Variants in MCRIP2 observed in about 807,000 individuals in gnomAD.
MCRIP2 encodes MAPK regulated co-repressor interacting protein 2.
In MCRIP2, 21 loss-of-function variants were observed where a neutral mutation model predicts 23.2. That is an observed-to-expected ratio of 0.90 (90% confidence interval 0.64 to 1.30). MCRIP2 has a LOEUF of 1.30. Among genes scored for constraint, MCRIP2 ranks in the 50% most tolerant of loss-of-function variants. The pLI is 0.00. For synonymous variants in MCRIP2, 121 were observed against 100.2 expected (o/e 1.21, Z -1.24); for missense variants, 234 against 223.2 (o/e 1.05, Z -0.31).
rs2037345559 is a variant in MCRIP2 at position 641,897 on chromosome 16, C to G, written c.-95C>G. On this transcript the variant is annotated 5_prime_UTR_variant, in exon 1 of 5. Transcript: ENST00000307650. ...GGCCGGGGGCGTGTAGCGGGCCCGC[C>G]CCCTCCCCGCGGCGCCCGCAGTCCG... The G allele has an allele frequency of 3.5e-6, 4 of 1,141,320 alleles. No individual in the cohort carries two copies. The highest frequency in any genetic ancestry group is 3.3e-4 in the Middle Eastern group (1 of 3,008). 70.7% of individuals were successfully genotyped at this position (1,141,320 alleles called of 1,614,324 possible).
intron 2 of MCRIP2, 131 bp from the exon 3 acceptor site, chr16:647,286 C>G: frequency 8.9e-6 from 12 of 1,349,360 alleles, no homozygotes; most frequent in Non-Finnish European, 1.2e-5. Flanking sequence ...GCTGCTCTCT[C>G]TGGTTCAGGA....
At chr16:643,539 T>TC (rs1465849546) in intron 2 of MCRIP2, among the ~76,000 whole-genome samples, 11 of 143,354 alleles carry the variant, frequency 7.7e-5, no homozygotes, top group Admixed American at 3.4e-4. Flanking sequence ...GGCTGTTGTC[T>TC]CTTTTTTTTT....
rs1302597448 is a variant in MCRIP2, at chr16:641,934, C to T, written c.-58C>T. ...GCGCCCGCAGTCCGTTAAGTGCGAG[C>T]CCCGGCGCAGGGGCCGGATCTGGCC... is the stretch of plus-strand genomic sequence containing the variant. On this transcript the variant is annotated 5_prime_UTR_variant, in exon 1 of 5. Coordinates refer to ENST00000307650, the MANE Select transcript of MCRIP2 (RefSeq NM_138418.4). 3.1e-6 allele frequency: 4 copies of T among 1,270,882 alleles called. No individual in the cohort carries two copies. The highest frequency in any genetic ancestry group is 1.6e-5 in the African/African-American group (1 of 63,822). The allele number at this position is 1,270,882 out of a possible 1,614,324, so 78.7% of individuals were successfully genotyped here. A position where few individuals can be genotyped will look rare whatever the true frequency, so the allele number is the denominator to read the frequency against.
chr16:647,894 C>G lies in MCRIP2; in HGVS notation c.412+10C>G. On this transcript the variant is annotated intron_variant, in intron 4 of 4. Transcript: ENST00000307650. ...AATCCCCGGCTGCAGAGTGAGCCCCCCAACCCTGTCCCCCCAGGAGAGACC... is the reference window on the plus strand; with the variant it reads ...AATCCCCGGCTGCAGAGTGAGCCCCGCAACCCTGTCCCCCCAGGAGAGACC... The G allele has an allele frequency of 1.4e-6, 2 of 1,460,144 alleles. No homozygotes were observed. Among genetic ancestry groups the G allele is most frequent in the South Asian group, 2.4e-5 (2 of 82,324 alleles). The allele number at this position is 1,460,144 out of a possible 1,614,324, so 90.4% of individuals were successfully genotyped here. A position where few individuals can be genotyped will look rare whatever the true frequency, so the allele number is the denominator to read the frequency against.
In MCRIP2 at chr16:647,562, AGGGT is replaced by A. The variant is rs1320409821; in HGVS notation, c.310+20_310+23del. The A allele has an allele frequency of 6.2e-7, 1 of 1,612,132 alleles. No individual in the cohort carries two copies. The highest frequency in any genetic ancestry group is 8.5e-7 in the Non-Finnish European group (1 of 1,179,232). On this transcript the variant is annotated intron_variant, in intron 3 of 4. Transcript: ENST00000307650. ...GTCCGAAGGTAGCGAGCGGGGCCAG[AGGGT>A]GCGGCATAGGCTGCTGGGTCGCAAA...
chr16:642,112 G>T lies in MCRIP2; in HGVS notation c.53-8G>T. 1.5e-6 allele frequency: 2 copies of T among 1,341,300 alleles called. No individual in the cohort carries two copies. The highest frequency in any genetic ancestry group is 9.5e-7 in the Non-Finnish European group (1 of 1,048,010). 83.1% of individuals were successfully genotyped at this position (1,341,300 alleles called of 1,614,324 possible). ...CGGCGGCGGCTGACCGCCCCCCGGT[G>T]CCCGCAGGTCCCACGCAGCAGCAGG... On this transcript the variant is annotated splice_region_variant and splice_polypyrimidine_tract_variant and intron_variant, in intron 1 of 4. Transcript: ENST00000307650.
chr16:645,857 C>G (rs1434908248), intron 2 of MCRIP2: 1 of 152,280 alleles, frequency 6.6e-6, no homozygotes, highest in Non-Finnish European at 1.5e-5. Context: ...GCTATGATAT[C>G]CTGGTGCTGC....
intron 4 of MCRIP2, 96 bp downstream of exon 4, chr16:647,980 G>A: frequency 5.9e-6 from 7 of 1,181,422 alleles, no homozygotes; most frequent in Admixed American, 2.2e-5. Context: ...GGATGAGGGA[G>A]GGGACTCTTG....
intron 2 of MCRIP2, among the ~76,000 whole-genome samples, chr16:644,014 G>A (rs544328448): frequency 4.0e-4 from 61 of 152,300 alleles, no homozygotes; most frequent in Non-Finnish European, 4.4e-5. Context: ...GGGAGCTTCT[G>A]GCAGCAGTGG....
intron 2 of MCRIP2, 134 bp downstream of exon 2, chr16:642,383 G>A: frequency 1.1e-6 from 1 of 904,034 alleles, no homozygotes; most frequent in Non-Finnish European, 1.4e-6. Context: ...GGCGCTCCGG[G>A]CGCGGGGGGT....
Position 642,101 on chromosome 16 carries a change from CG to C in MCRIP2, c.53-18del, listed in dbSNP as rs1432949296. The C allele has an allele frequency of 7.5e-7, 1 of 1,328,462 alleles. No homozygotes were observed. Among genetic ancestry groups the C allele is most frequent in the Admixed American group, 3.8e-5 (1 of 26,572 alleles). The allele number at this position is 1,328,462 out of a possible 1,614,324, so 82.3% of individuals were successfully genotyped here. A position where few individuals can be genotyped will look rare whatever the true frequency, so the allele number is the denominator to read the frequency against. ...GGGGCGGGGCGCGGCGGCGGCTGAC[CG>C]CCCCCCGGTGCCCGCAGGTCCCACG... On this transcript the variant is annotated intron_variant, in intron 1 of 4. Coordinates refer to ENST00000307650, the MANE Select transcript of MCRIP2 (RefSeq NM_138418.4).
chr16:647,583 G>C, intron 3 of MCRIP2, 39 bp downstream of exon 3: 1 of 1,606,652 alleles, frequency 6.2e-7, no homozygotes. Flanking sequence ...TAGGCTGCTG[G>C]GTCGCAAAAC....
chr16:648,263 ACTGCGC>A lies in MCRIP2; in HGVS notation c.*77_*82del. On this transcript the variant is annotated 3_prime_UTR_variant, in exon 5 of 5. Coordinates refer to ENST00000307650, the MANE Select transcript of MCRIP2 (RefSeq NM_138418.4). The stretch of plus-strand genomic sequence containing the variant: ...GAGAAGCATGGCGCCCTGCCCACCC[ACTGCGC>A]CTGGCTGGGTGCCGGCCACACCTGA... 1.4e-6 allele frequency: 2 copies of A among 1,448,302 alleles called. No individual in the cohort carries two copies. The highest frequency in any genetic ancestry group is 1.9e-6 in the Non-Finnish European group (2 of 1,055,928). 89.7% of individuals were successfully genotyped at this position (1,448,302 alleles called of 1,614,324 possible).
At position 646,858 on chromosome 16, in the gene MCRIP2, A is replaced by C. The variant is rs1055994131; in HGVS notation, c.183-559A>C. The C allele has an allele frequency of 6.4e-6, 1 of 157,150 alleles. No homozygotes were observed. The highest frequency in any genetic ancestry group is 2.4e-5 in the African/African-American group (1 of 41,480). The allele number at this position is 157,150 out of a possible 1,614,324, so 9.7% of individuals were successfully genotyped here. ...CTGCCCATCCCGGCACCCAGTCCTC[A>C]TCCCATGGGACGTGGGGGCAGCCAG... On this transcript the variant is annotated intron_variant, in intron 2 of 4. Coordinates refer to ENST00000307650, the MANE Select transcript of MCRIP2 (RefSeq NM_138418.4). This position sits in a 1 kb window ranked among gnomAD's most constrained non-coding sequence, Gnocchi z 6.5.
In MCRIP2 at chr16:647,352, GT is replaced by G. The variant is rs528031323; in HGVS notation, c.183-63del. 3.5e-3 allele frequency: 5,641 copies of G among 1,595,498 alleles called. 12 individuals are homozygous for G. The highest frequency in any genetic ancestry group is 4.5e-3 in the Non-Finnish European group (5,266 of 1,170,074). ...TGGGCTGGCCCGGGGCTGCTCCTGA[GT>G]TCTGCCAGGCAGCACCGCACCTGGG... On this transcript the variant is annotated intron_variant, in intron 2 of 4. Coordinates refer to ENST00000307650, the MANE Select transcript of MCRIP2 (RefSeq NM_138418.4).
In MCRIP2 at chr16:642,141, A is replaced by G; in HGVS notation, c.74A>G (p.Glu25Gly). The G allele has an allele frequency of 1.5e-6, 2 of 1,366,820 alleles. No individual in the cohort carries two copies. The highest frequency in any genetic ancestry group is 3.0e-5 in the Admixed American group (1 of 33,458). The allele number at this position is 1,366,820 out of a possible 1,614,324, so 84.7% of individuals were successfully genotyped here. The change falls in exon 2 of 5, where the codon GAG becomes GGG. Residue 25 changes from glutamate to glycine, a missense_variant. Physicochemically the swap from Glu to Gly is moderately conservative, Grantham distance 98. Coordinates refer to ENST00000307650, the MANE Select transcript of MCRIP2 (RefSeq NM_138418.4). ...RRTGPTQQQV[E>G]GRLGELLKCR... The stretch of plus-strand genomic sequence containing the variant: ...GCAGGTCCCACGCAGCAGCAGGTGG[A>G]GGGCCGGCTCGGCGAGCTCCTGAAA...
At chr16:647,711 G>T (rs900582274) in intron 3 of MCRIP2, 72 bp from the exon 4 acceptor site, 1 of 1,509,368 alleles carries the variant, frequency 6.6e-7, no homozygotes, top group Non-Finnish European at 9.0e-7. Context: ...GGAGTCCAGG[G>T]TGACCATCAG....
In MCRIP2 at chr16:642,158, C is replaced by T. The variant is rs937269251; in HGVS notation, c.91C>T (p.Leu31Phe). 9.6e-5 allele frequency: 131 copies of T among 1,361,346 alleles called. No homozygotes were observed. Among genetic ancestry groups the T allele is most frequent in the Non-Finnish European group, 1.1e-4 (114 of 1,053,796 alleles). The allele number at this position is 1,361,346 out of a possible 1,614,324, so 84.3% of individuals were successfully genotyped here. A position where few individuals can be genotyped will look rare whatever the true frequency, so the allele number is the denominator to read the frequency against. Reference protein sequence around the residue: ...QQQVEGRLGELLKCRQPAPPT... With the variant: ...QQQVEGRLGEFLKCRQPAPPT... ...GCAGGTGGAGGGCCGGCTCGGCGAG[C>T]TCCTGAAATGCCGGCAGCCCGCGCC... Residue 31 changes from leucine to phenylalanine, a missense_variant, in exon 2 of 5, where the codon CTC (leucine) becomes TTC (phenylalanine). Transcript: ENST00000307650.
At position 648,221 on chromosome 16, in the gene MCRIP2, C is replaced by T. The variant is rs777881636; in HGVS notation, c.*31C>T. 15 of 1,587,630 alleles carry T rather than the reference C, an allele frequency of 9.4e-6. No homozygotes were observed. The highest frequency in any genetic ancestry group is 1.1e-5 in the South Asian group (1 of 88,514). ...GCTGGGAGGGGGCGCTGCTACACGG[C>T]CGACCTGTCGCCAGGAGAGAAGCAT... On this transcript the variant is annotated 3_prime_UTR_variant, in exon 5 of 5. Coordinates refer to ENST00000307650, the MANE Select transcript of MCRIP2 (RefSeq NM_138418.4).
Sources: gnomAD v4.1 joint callset for allele counts (sites outside exome capture counted in the v4.1 genomes callset) on GRCh38, gnomAD v4.1.1 for gene constraint, Gnocchi (gnomAD v3.1) non-coding constraint, MANE v1.5 for transcripts, NCBI Gene and HGNC (gene_info 2026-07-23, HGNC 2026-07-21) for gene names.